Variants in ECSIT observed in about 807,000 individuals in gnomAD.
ECSIT encodes the protein evolutionarily conserved signaling intermediate in Toll pathway, mitochondrial.
In ECSIT, 29 loss-of-function variants were observed where a neutral mutation model predicts 36.8. The observed-to-expected ratio is 0.79, with a 90% CI of 0.59 to 1.08. The LOEUF is 1.08. ECSIT is among the 50% of genes least tolerant of loss of function. ECSIT has a pLI of 0.00. For synonymous variants in ECSIT, 231 were observed against 234.8 expected (o/e 0.98, Z 0.15); for missense variants, 542 against 581.0 (o/e 0.93, Z 0.69).
In ECSIT at chr19:11,513,982, C is replaced by G; in HGVS notation, c.336G>C (p.Leu112=). The part of the protein sequence containing the change: ...RKRGHIDFIY[L]ALRKMREYGV... ...CATACTCCCGCATCTTGCGCAGGGC[C>G]AGGTAGATGAAGTCAATGTGGCCCC... The change falls in exon 3 of 8, where the codon CTG becomes CTC. Residue 112 remains leucine, a synonymous_variant. Transcript: ENST00000270517. 1 of 1,614,258 alleles carries G rather than the reference C, an allele frequency of 6.2e-7. No individual in the cohort carries two copies. The highest frequency in any genetic ancestry group is 8.5e-7 in the Non-Finnish European group (1 of 1,180,056).
At chr19:11,514,827 T>C (rs1254561327) in intron 2 of ECSIT, among the ~76,000 whole-genome samples, 1 of 150,976 alleles carries the variant, frequency 6.6e-6, no homozygotes, top group Non-Finnish European at 1.5e-5. Flanking sequence ...CTGGTGGCCC[T>C]TTTTGCTTGT....
chr19:11,518,426 T>TAA (rs35109980), intron 2 of ECSIT, among the ~76,000 whole-genome samples: 1 of 141,628 alleles, frequency 7.1e-6, no homozygotes. Context: ...AAATTCCATC[T>TAA]AAAAAAAAAA....
At chr19:11,515,934 AT>A in intron 2 of ECSIT, 1 of 151,958 alleles carries the variant, frequency 6.6e-6, no homozygotes, top group Non-Finnish European at 1.5e-5. Context: ...GCCCGGCCTA[AT>A]TTTTGTGTTT....
chr19:11,512,979 G>A (rs1321921515), intron 4 of ECSIT, 77 bp downstream of exon 4: 12 of 1,405,260 alleles, frequency 8.5e-6, no homozygotes, highest in Admixed American at 1.7e-5. Flanking sequence ...ACTAGAGTGA[G>A]AGAAGGGGAG....
chr19:11,515,197 G>A (rs1278143805), intron 2 of ECSIT, among the ~76,000 whole-genome samples: 12 of 147,124 alleles, frequency 8.2e-5, no homozygotes, highest in African/African-American at 2.1e-4. Flanking sequence ...TCCACCTCCC[G>A]GGTTCACGCC....
chr19:11,518,437 AAAT>A (rs1473577870), intron 2 of ECSIT, among the ~76,000 whole-genome samples: 2 of 152,000 alleles, frequency 1.3e-5, no homozygotes, highest in East Asian at 3.9e-4. Context: ...AAAAAAAAAA[AAAT>A]TAGCTGGGCA....
intron 3 of ECSIT, 60 bp from the exon 4 acceptor site, chr19:11,513,339 G>A (rs1971912947): frequency 7.2e-7 from 1 of 1,391,186 alleles, no homozygotes; most frequent in East Asian, 2.3e-5. Context: ...GAAGGGAAGA[G>A]GAGAAAAGAA....
intron 1 of ECSIT, among the ~76,000 whole-genome samples, chr19:11,521,443 A>G (rs983468938): frequency 1.3e-5 from 2 of 148,154 alleles, no homozygotes; most frequent in African/African-American, 5.1e-5. Context: ...GCATAAGTCC[A>G]TTTATACGTG....
In ECSIT at chr19:11,506,274, T is replaced by C. The variant is rs773661666; in HGVS notation, c.1206A>G (p.Thr402=). 2.5e-6 allele frequency: 4 copies of C among 1,612,070 alleles called. No individual in the cohort carries two copies. Among genetic ancestry groups the C allele is most frequent in the Admixed American group, 3.3e-5 (2 of 60,014 alleles). The change falls in exon 8 of 8, where the codon ACA becomes ACG. Residue 402 remains threonine, a synonymous_variant. Transcript: ENST00000270517. The part of the protein sequence containing the change: ...RLAGSTRELQ[T]SSAGLEEPPL... The stretch of plus-strand genomic sequence containing the variant: ...GCGGCTCCTCCAGCCCTGCAGAGGA[T>C]GTCTGGAGCTCCCGGGTGGACCCGG...
intron 3 of ECSIT, 103 bp from the exon 4 acceptor site, chr19:11,513,382 G>A: frequency 4.1e-6 from 4 of 987,502 alleles, no homozygotes; most frequent in Non-Finnish European, 6.4e-6. Flanking sequence ...TCACAGACAG[G>A]GAGAAAAGAA....
chr19:11,513,714 A>G lies in ECSIT; in HGVS notation c.514+90T>C, dbSNP rs985682388. 3.5e-6 allele frequency: 5 copies of G among 1,442,146 alleles called. No homozygotes were observed. In the Admixed American group the frequency reaches 8.7e-5, roughly 25 times the overall value. 89.3% of individuals were successfully genotyped at this position (1,442,146 alleles called of 1,614,324 possible). Reference sequence around the variant, plus strand: ...GAGCGAGAGAGACAGAGACGGAGCCATGGAGGAAGGAGGGGCTGAGACTCA... The same window carrying G: ...GAGCGAGAGAGACAGAGACGGAGCCGTGGAGGAAGGAGGGGCTGAGACTCA... On this transcript the variant is annotated intron_variant, in intron 3 of 7. Transcript: ENST00000270517.
chr19:11,517,125 A>C (rs1408142486), intron 2 of ECSIT, among the ~76,000 whole-genome samples: 1 of 152,106 alleles, frequency 6.6e-6, no homozygotes, highest in African/African-American at 2.4e-5. Context: ...CACTCATTTT[A>C]CAGATGAGAA....
Position 11,506,429 on chromosome 19 carries a change from C to G in ECSIT, c.1052-1G>C. 1 of 1,610,132 alleles carries G rather than the reference C, an allele frequency of 6.2e-7. No individual in the cohort carries two copies. Among genetic ancestry groups the G allele is most frequent in the Non-Finnish European group, 8.5e-7 (1 of 1,177,392 alleles). ...ATGGCGAAGACAGGGCCTTCCTCCA[C>G]TGTTGGAAGACATGCACCCTTAAGG... On this transcript the variant is annotated splice_acceptor_variant, in intron 7 of 7. Coordinates refer to ENST00000270517, the MANE Select transcript of ECSIT (RefSeq NM_016581.5). LOFTEE classifies it high-confidence loss of function.
At chr19:11,510,963 C>A (rs1368747297) in intron 4 of ECSIT, among the ~76,000 whole-genome samples, 1 of 151,816 alleles carries the variant, frequency 6.6e-6, no homozygotes, top group Non-Finnish European at 1.5e-5. Flanking sequence ...ATAGCTCTCC[C>A]CACCAACCAA....
chr19:11,515,172 C>T lies in ECSIT; in HGVS notation c.97-951G>A, dbSNP rs186705560. 3.7e-3 allele frequency among the ~76,000 whole-genome samples: 551 copies of T among 148,390 alleles called. 6 individuals are homozygous for T. The highest frequency in any genetic ancestry group is 0.013 in the African/African-American group (532 of 39,476). On this transcript the variant is annotated intron_variant, in intron 2 of 7. Coordinates refer to ENST00000270517, the MANE Select transcript of ECSIT (RefSeq NM_016581.5). Reference sequence around the variant, plus strand: ...AGGCTGGAGTGCAGTGGCGCGATCTCGGCTCATTGCAAGCTCCACCTCCCG... The same window carrying T: ...AGGCTGGAGTGCAGTGGCGCGATCTTGGCTCATTGCAAGCTCCACCTCCCG...
intron 1 of ECSIT, chr19:11,523,918 G>A: frequency 2.7e-6 from 1 of 375,974 alleles, no homozygotes; most frequent in South Asian, 2.3e-5. Flanking sequence ...TGGGCTATTA[G>A]TAGTTAAGAT....
chr19:11,518,457 C>T (rs950056622), intron 2 of ECSIT, among the ~76,000 whole-genome samples: 9 of 151,882 alleles, frequency 5.9e-5, no homozygotes, highest in Non-Finnish European at 1.2e-4. Context: ...GGCATGGTGG[C>T]TCAAATCAGT....
chr19:11,506,551 T>C (rs2144961700), intron 7 of ECSIT, 123 bp from the exon 8 acceptor site: 1 of 1,125,318 alleles, frequency 8.9e-7, no homozygotes, highest in Admixed American at 3.1e-5. Flanking sequence ...TTTTTTTTTT[T>C]TGAGACGGAG....
chr19:11,508,168 A>G, intron 4 of ECSIT, 120 bp from the exon 5 acceptor site: 1 of 1,209,242 alleles, frequency 8.3e-7, no homozygotes, highest in Admixed American at 1.8e-5. Flanking sequence ...GATCTGGTAC[A>G]CGGCCCTCCA....
Sources: gnomAD v4.1 joint callset for allele counts (sites outside exome capture counted in the v4.1 genomes callset) on GRCh38, gnomAD v4.1.1 for gene constraint, MANE v1.5 for transcripts, NCBI Gene and HGNC (gene_info 2026-07-23, HGNC 2026-07-21) for gene names.